Variants in CEP85L observed in about 807,000 individuals in gnomAD.
CEP85L encodes centrosomal protein 85L.
In CEP85L, 60 loss-of-function variants were observed where a neutral mutation model predicts 100.3. The ratio of observed to expected loss-of-function variants is 0.60; its 90% CI spans 0.49 to 0.74. CEP85L has a LOEUF of 0.74. CEP85L is among the 30% of genes least tolerant of loss of function. The probability of loss-of-function intolerance (pLI) is 0.00; values close to 1 mark genes in which losing one functional copy is unlikely to be tolerated. For missense variants in CEP85L, 973 were observed against 936.2 expected, an observed-to-expected ratio of 1.04 and a Z score of -0.51; for synonymous variants, 319 against 322.7, an observed-to-expected ratio of 0.99 and a Z score of 0.12.
rs188249740 is a variant in CEP85L, at chr6:118,534,981, G to T, written c.1021-11061C>A. On this transcript the variant is annotated intron_variant, in intron 3 of 12. Coordinates refer to ENST00000368491, the MANE Select transcript of CEP85L (RefSeq NM_001042475.3). ...GTTGCAGTGAACAACTGCAGTTACA[G>T]TTGAGCCACTGCACTCCAGCCTGGG... 5.3e-5 allele frequency among the ~76,000 whole-genome samples: 8 copies of T among 152,194 alleles called. No homozygotes were observed. In the East Asian group the frequency reaches 1.4e-3, roughly 26 times the overall value.
intron 3 of CEP85L, chr6:118,558,859 C>A: frequency 3.3e-6 from 4 of 1,220,704 alleles, no homozygotes; most frequent in Non-Finnish European, 3.6e-6. Flanking sequence ...TCATATTTGG[C>A]TGCCAGCTTT....
At chr6:118,498,305 G>C (rs923333621) in intron 5 of CEP85L, among the ~76,000 whole-genome samples, 2 of 152,006 alleles carry the variant, frequency 1.3e-5, no homozygotes, top group Non-Finnish European at 2.9e-5. Context: ...ACCAGCCTAG[G>C]CAACATAGTG....
At chr6:118,626,241 C>A (rs553156331) in intron 2 of CEP85L, among the ~76,000 whole-genome samples, 6 of 152,258 alleles carry the variant, frequency 3.9e-5, no homozygotes, top group African/African-American at 1.4e-4. Flanking sequence ...ATATTCCTAA[C>A]ACCAGGATTT....
intron 1 of CEP85L, among the ~76,000 whole-genome samples, chr6:118,670,987 A>G (rs903978439): frequency 2.6e-5 from 4 of 151,638 alleles, no homozygotes; most frequent in African/African-American, 7.3e-5. Context: ...GTTTTTAGCT[A>G]TATTGAGAAA....
chr6:118,496,217 T>C (rs1161088394), intron 5 of CEP85L, among the ~76,000 whole-genome samples: 1 of 152,134 alleles, frequency 6.6e-6, no homozygotes, highest in Admixed American at 6.5e-5. Context: ...TTGCAGGATA[T>C]CCTTAAAATT....
rs191131051 is a variant in CEP85L at position 118,618,378 on chromosome 6, C to T, written c.232+14075G>A. 3.6e-3 allele frequency among the ~76,000 whole-genome samples: 552 copies of T among 152,266 alleles called. 2 individuals carry two copies. The highest frequency in any genetic ancestry group is 6.3e-3 in the Non-Finnish European group (429 of 68,020). ...CCCTCTGGAATTTAGGCAGGTGTTG[C>T]CATCTGATGGCCACTTTGAAAGGCC... On this transcript the variant is annotated intron_variant, in intron 2 of 12. Transcript: ENST00000368491.
At chr6:118,508,892 C>T (rs1046305230) in intron 5 of CEP85L, among the ~76,000 whole-genome samples, 2 of 152,048 alleles carry the variant, frequency 1.3e-5, no homozygotes, top group African/African-American at 2.4e-5. Flanking sequence ...AAATCCTTCG[C>T]TAAAGAAATA....
At chr6:118,485,332 G>A (rs1774099511) in intron 6 of CEP85L, among the ~76,000 whole-genome samples, 1 of 152,106 alleles carries the variant, frequency 6.6e-6, no homozygotes. Context: ...CTTTATTAAA[G>A]CTAACACTTG....
At chr6:118,479,766 AT>A in intron 10 of CEP85L, 104 bp downstream of exon 10, 1 of 520,060 alleles carries the variant, frequency 1.9e-6, no homozygotes, top group South Asian at 4.1e-5. Context: ...TATAAATATT[AT>A]CTTTCCATAC....
At chr6:118,568,868 A>T (rs1401683775) in intron 2 of CEP85L, among the ~76,000 whole-genome samples, 1 of 152,158 alleles carries the variant, frequency 6.6e-6, no homozygotes, top group African/African-American at 2.4e-5. Flanking sequence ...AGCATTATAT[A>T]TATTTTACAT....
intron 1 of CEP85L, among the ~76,000 whole-genome samples, chr6:118,687,629 G>A (rs181510706): frequency 1.6e-3 from 241 of 152,314 alleles, no homozygotes; most frequent in Non-Finnish European, 2.9e-3. Flanking sequence ...CATTCGAGCC[G>A]GCAACAGCAA....
intron 3 of CEP85L, chr6:118,537,765 TGACTG>T: frequency 1.0e-6 from 1 of 985,386 alleles, no homozygotes; most frequent in Non-Finnish European, 1.2e-6. Flanking sequence ...CTACCACACT[TGACTG>T]GAATACAACC....
intron 4 of CEP85L, among the ~76,000 whole-genome samples, chr6:118,517,843 G>A (rs985838155): frequency 1.3e-5 from 2 of 152,150 alleles, no homozygotes; most frequent in Admixed American, 1.3e-4. Flanking sequence ...TCCAGATTTT[G>A]CCCATTCATT....
At chr6:118,604,991 CTT>C (rs1374679311) in intron 2 of CEP85L, among the ~76,000 whole-genome samples, 1 of 152,094 alleles carries the variant, frequency 6.6e-6, no homozygotes, top group Non-Finnish European at 1.5e-5. Flanking sequence ...AATTAGAGCT[CTT>C]TTATACATAA....
chr6:118,619,913 G>A (rs1321408728), intron 2 of CEP85L, among the ~76,000 whole-genome samples: 1 of 152,158 alleles, frequency 6.6e-6, no homozygotes. Context: ...GGCCCCAGAG[G>A]AGAAGGAAAA....
chr6:118,568,485 T>C (rs111288488), intron 2 of CEP85L, among the ~76,000 whole-genome samples: 2 of 152,024 alleles, frequency 1.3e-5, no homozygotes, highest in Non-Finnish European at 2.9e-5. Flanking sequence ...CAGTATGGAG[T>C]TAAAGTGCCA....
chr6:118,679,348 G>T (rs569729122), intron 1 of CEP85L, among the ~76,000 whole-genome samples: 3 of 152,278 alleles, frequency 2.0e-5, no homozygotes, highest in South Asian at 2.1e-4. Context: ...GTGATTAAAG[G>T]TTAGGCTCTA....
chr6:118,560,203 G>C (rs1307256931), intron 3 of CEP85L: 1 of 166,980 alleles, frequency 6.0e-6, no homozygotes, highest in Non-Finnish European at 1.5e-5. Context: ...GGGGTTAGGG[G>C]AGCTGACAAT....
At chr6:118,505,199 T>C (rs1356725466) in intron 5 of CEP85L, among the ~76,000 whole-genome samples, 1 of 151,932 alleles carries the variant, frequency 6.6e-6, no homozygotes, top group Non-Finnish European at 1.5e-5. Context: ...CCCAGCACTT[T>C]GGCGGGACTA....
Sources: allele counts gnomAD v4.1 joint callset (sites outside exome capture counted in the v4.1 genomes callset), GRCh38; gene constraint gnomAD v4.1.1; transcripts MANE v1.5; gene names NCBI Gene and HGNC (gene_info 2026-07-23, HGNC 2026-07-21).